The following PACS2 variants were observed in gnomAD, a reference collection of about 807,000 sequenced individuals.
PACS2 encodes phosphofurin acidic cluster sorting protein 2.
In PACS2, 36 loss-of-function variants were observed where a neutral mutation model predicts 113.0. That is an observed-to-expected ratio of 0.32 (90% CI 0.24 to 0.42). The LOEUF is 0.42. PACS2 is among the 10% of genes least tolerant of loss of function. PACS2 has a pLI of 1.00. For missense variants in PACS2, 1,015 were observed against 1,239.5 expected (o/e 0.82, Z 2.72); for synonymous variants, 589 against 536.1 (o/e 1.10, Z -1.36).
intron 15 of PACS2, 71 bp downstream of exon 15, chr14:105,382,984 A>T: frequency 2.2e-6 from 2 of 905,338 alleles, no homozygotes; most frequent in Non-Finnish European, 1.8e-6. Context: ...ACCTCTGCCC[A>T]TTGCTCCGGG....
intron 19 of PACS2, among the ~76,000 whole-genome samples, chr14:105,387,098 G>A (rs1425919015): frequency 6.6e-6 from 1 of 152,180 alleles, no homozygotes; most frequent in Non-Finnish European, 1.5e-5. Flanking sequence ...ACGTTATAAG[G>A]GTGACACTGG....
upstream of PACS2, among the ~76,000 whole-genome samples, chr14:105,314,172 C>A (rs1241675166): frequency 6.6e-6 from 1 of 152,154 alleles, no homozygotes; most frequent in Non-Finnish European, 1.5e-5. Flanking sequence ...TCCCGGGGAA[C>A]CCACGCAGGG....
rs587638974 is a variant in PACS2 at position 105,335,470 on chromosome 14, A to G, written c.120-13023A>G. On this transcript the variant is annotated intron_variant, in intron 1 of 24. Transcript: ENST00000447393. Reference sequence around the variant, plus strand: ...TCTGACGCTGTGGCCGGCGCCTGGCATGGCTGTGATGTGCTGACTCCGGCA... The same window carrying G: ...TCTGACGCTGTGGCCGGCGCCTGGCGTGGCTGTGATGTGCTGACTCCGGCA... Among the ~76,000 whole-genome samples, 7 of 151,162 alleles carry G rather than the reference A, an allele frequency of 4.6e-5. No individual in the cohort carries two copies. In the South Asian group the frequency reaches 8.4e-4, roughly 18 times the overall value.
chr14:105,334,054 G>A (rs981336103), intron 1 of PACS2, among the ~76,000 whole-genome samples: 1 of 152,250 alleles, frequency 6.6e-6, no homozygotes, highest in African/African-American at 2.4e-5. Context: ...TGGTCGTGGG[G>A]TGTCGGGGGC....
At chr14:105,311,013 C>A (rs1221895431), upstream of PACS2, among the ~76,000 whole-genome samples, 1 of 151,644 alleles carries the variant, frequency 6.6e-6, no homozygotes, top group African/African-American at 2.4e-5. Flanking sequence ...AGTGCAGTGG[C>A]ACAATCTTGG....
At position 105,394,848 on chromosome 14, in the gene PACS2, A is replaced by G. The variant is rs2081489929; in HGVS notation, c.*176A>G. On this transcript the variant is annotated 3_prime_UTR_variant, in exon 25 of 25. Transcript: ENST00000447393. ...CGGGGGAGCTCCTGCCAGGAGCCGA[A>G]TAACTGCTCTGCTTATTAACCCGAA... is the stretch of plus-strand genomic sequence containing the variant. The G allele has an allele frequency of 1.7e-6, 1 of 603,380 alleles. No individual in the cohort carries two copies. Among genetic ancestry groups the G allele is most frequent in the Non-Finnish European group, 3.0e-6 (1 of 333,158 alleles). The allele number at this position is 603,380 out of a possible 1,614,324, so 37.4% of individuals were successfully genotyped here. A position where few individuals can be genotyped will look rare whatever the true frequency, so the allele number is the denominator to read the frequency against.
chr14:105,303,587 A>G (rs1481473732), intron 1 of PACS2, among the ~76,000 whole-genome samples: 1 of 152,090 alleles, frequency 6.6e-6, no homozygotes, highest in African/African-American at 2.4e-5. Context: ...TTGATTTAAG[A>G]TCTCTTTTCC....
chr14:105,338,527 G>A (rs1301806507), intron 1 of PACS2, among the ~76,000 whole-genome samples: 1 of 152,174 alleles, frequency 6.6e-6, no homozygotes, highest in Non-Finnish European at 1.5e-5. Context: ...GGTCCCTGGG[G>A]GCTGTGCAGG....
rs1555415328 is a variant in PACS2, at chr14:105,392,827, AAGG to A, written c.2467_2469del (p.Glu823del). The stretch of plus-strand genomic sequence containing the variant: ...CACCATGTCCATGACCGTGGTCACC[AAGG>A]AGAAGAACAAGAAGGGTGAGGTGGG... On this transcript the variant is annotated inframe_deletion, in exon 23 of 25. Transcript: ENST00000447393. The A allele has an allele frequency of 1.9e-6, 3 of 1,604,296 alleles. No homozygotes were observed. The South Asian group carries it at 3.3e-5, about 18-fold the overall frequency.
chr14:105,393,930 G>A (rs114643660), intron 24 of PACS2, among the ~76,000 whole-genome samples: 6,540 of 151,544 alleles, frequency 0.043, 511 homozygotes, highest in African/African-American at 0.15. Context: ...TTGGCTGAGC[G>A]CAGAGGCTGA....
chr14:105,375,995 G>A lies in PACS2; in HGVS notation c.802-773G>A, dbSNP rs587647149. Among the ~76,000 whole-genome samples the A allele has an allele frequency of 1.6e-4, 24 of 152,316 alleles. No individual in the cohort carries two copies. The South Asian group carries it at 2.7e-3, about 17-fold the overall frequency. ...GAGGCCTCAGGAAGCTGCCAATCATGGCAGAAGGGGAAGCAGGCACCTTCT... is the reference window on the plus strand; with the variant it reads ...GAGGCCTCAGGAAGCTGCCAATCATAGCAGAAGGGGAAGCAGGCACCTTCT... On this transcript the variant is annotated intron_variant, in intron 8 of 24. Transcript: ENST00000447393.
At chr14:105,303,532 C>T (rs759442529) in intron 1 of PACS2, among the ~76,000 whole-genome samples, 5 of 152,318 alleles carry the variant, frequency 3.3e-5, no homozygotes, top group South Asian at 2.1e-4. Context: ...CGTGAGCCAT[C>T]GCGCCTGGCC....
At chr14:105,378,010 T>A (rs1412203148) in intron 9 of PACS2, among the ~76,000 whole-genome samples, 1 of 152,254 alleles carries the variant, frequency 6.6e-6, no homozygotes, top group African/African-American at 2.4e-5. Flanking sequence ...TTGGTCATTC[T>A]TGCCTTCTGG....
chr14:105,375,844 C>G (rs1344000368), intron 8 of PACS2, among the ~76,000 whole-genome samples: 1 of 152,196 alleles, frequency 6.6e-6, no homozygotes, highest in East Asian at 1.9e-4. Context: ...CTGTGATGGT[C>G]ATAATGCCCG....
rs933419583 is a variant in PACS2 at position 105,332,234 on chromosome 14, G to A, written c.120-16259G>A. On this transcript the variant is annotated intron_variant, in intron 1 of 24. Transcript: ENST00000447393. ...TTGCCGTGGGGCTGCCTGTGCCTCT[G>A]TGCCTGCTTCTCCTTCCATGGGGAG... 7.2e-5 allele frequency among the ~76,000 whole-genome samples: 11 copies of A among 152,324 alleles called. No homozygotes were observed. In the Middle Eastern group the frequency reaches 0.02, roughly 283 times the overall value.
chr14:105,381,570 C>G (rs1384996169), intron 12 of PACS2, among the ~76,000 whole-genome samples: 1 of 152,240 alleles, frequency 6.6e-6, no homozygotes, highest in Non-Finnish European at 1.5e-5. Flanking sequence ...GTGCCCTGCA[C>G]TGGCCTGCAC....
intron 18 of PACS2, 23 bp downstream of exon 18, chr14:105,385,010 C>A: frequency 7.1e-7 from 1 of 1,412,548 alleles, no homozygotes; most frequent in Non-Finnish European, 9.8e-7. Flanking sequence ...GCCCAGGCAC[C>A]ATACCACAGG....
At chr14:105,393,515 G>GA in intron 24 of PACS2, 180 bp downstream of exon 24, 1 of 469,136 alleles carries the variant, frequency 2.1e-6, no homozygotes, top group East Asian at 3.6e-5. Flanking sequence ...CAAATGCTGA[G>GA]AAAGAATTTT....
chr14:105,378,150 A>G (rs143727992), intron 9 of PACS2, among the ~76,000 whole-genome samples: 1 of 152,294 alleles, frequency 6.6e-6, no homozygotes, highest in Non-Finnish European at 1.5e-5. Context: ...CAGCCGGAGA[A>G]AGTTTTCTGT....
Sources: gnomAD v4.1 joint callset for allele counts (sites outside exome capture counted in the v4.1 genomes callset) on GRCh38, gnomAD v4.1.1 for gene constraint, MANE v1.5 for transcripts, NCBI Gene and HGNC (gene_info 2026-07-23, HGNC 2026-07-21) for gene names.